The following ASIC2 variants were observed in gnomAD, a reference collection of about 807,000 sequenced individuals.
The protein encoded by ASIC2 is acid sensing ion channel subunit 2, also known as acid-sensing ion channel 2.
In ASIC2, 25 loss-of-function variants were observed where a neutral mutation model predicts 57.3. That is an observed-to-expected ratio of 0.44 (90% CI 0.32 to 0.61). ASIC2 has a LOEUF of 0.61. Ranked by LOEUF, ASIC2 falls within the 20% of genes least tolerant of loss-of-function variation. The pLI is 0.06. For missense variants in ASIC2, 641 were observed against 738.1 expected (o/e 0.87, Z 1.52); for synonymous variants, 319 against 307.5 (o/e 1.04, Z -0.39).
chr17:33,466,129 A>G (rs1244077909), intron 1 of ASIC2, among the ~76,000 whole-genome samples: 1 of 152,254 alleles, frequency 6.6e-6, no homozygotes, highest in Non-Finnish European at 1.5e-5. Flanking sequence ...CTGATAAGCA[A>G]CTTCAGCAAA....
chr17:34,016,080 T>C (rs1906942785), intron 1 of ASIC2, among the ~76,000 whole-genome samples: 1 of 152,236 alleles, frequency 6.6e-6, no homozygotes, highest in Non-Finnish European at 1.5e-5. Context: ...CATCGATATG[T>C]AAGCAAAAGT....
At chr17:33,385,485 G>A (rs530347428) in intron 1 of ASIC2, among the ~76,000 whole-genome samples, 20 of 152,102 alleles carry the variant, frequency 1.3e-4, no homozygotes, top group Admixed American at 6.5e-5. Context: ...TTATTTCAGG[G>A]GTAAGCTGTT....
intron 1 of ASIC2, among the ~76,000 whole-genome samples, chr17:33,892,008 T>C (rs986740758): frequency 3.3e-5 from 5 of 152,208 alleles, no homozygotes; most frequent in Non-Finnish European, 7.4e-5. Flanking sequence ...ATCTGCTTTG[T>C]TTATTTTAAT....
chr17:33,157,879 ACT>A (rs1461611821), intron 1 of ASIC2, among the ~76,000 whole-genome samples: 2 of 151,952 alleles, frequency 1.3e-5, no homozygotes, highest in East Asian at 1.9e-4. Context: ...CAAAAGGTAG[ACT>A]CTCTGAGCTC....
chr17:33,123,797 G>A (rs1302276862), intron 1 of ASIC2, among the ~76,000 whole-genome samples: 1 of 152,180 alleles, frequency 6.6e-6, no homozygotes, highest in African/African-American at 2.4e-5. Flanking sequence ...TCAGACACAT[G>A]TCACTCCTTG....
intron 1 of ASIC2, among the ~76,000 whole-genome samples, chr17:33,940,797 G>C (rs1399843315): frequency 6.6e-6 from 1 of 152,246 alleles, no homozygotes; most frequent in African/African-American, 2.4e-5. Flanking sequence ...TAGTCTTGGG[G>C]TGTCAAGAGA....
At chr17:33,212,316 G>T (rs933706832) in intron 1 of ASIC2, among the ~76,000 whole-genome samples, 1 of 152,170 alleles carries the variant, frequency 6.6e-6, no homozygotes, top group East Asian at 1.9e-4. Flanking sequence ...GAGGCAGAAG[G>T]ACATGTGACC....
chr17:34,038,901 G>T, intron 1 of ASIC2: 2 of 1,612,654 alleles, frequency 1.2e-6, no homozygotes, highest in Non-Finnish European at 1.7e-6. Flanking sequence ...ATCCTTTCCT[G>T]TTGCTTGATA....
At chr17:33,290,913 T>C (rs1348978649) in intron 1 of ASIC2, 1 of 154,692 alleles carries the variant, frequency 6.5e-6, no homozygotes, top group Non-Finnish European at 1.4e-5. Context: ...GTAGGCCTGC[T>C]TAGGGACTCT....
intron 1 of ASIC2, among the ~76,000 whole-genome samples, chr17:33,144,299 G>A (rs536892508): frequency 6.6e-6 from 1 of 152,242 alleles, no homozygotes; most frequent in African/African-American, 2.4e-5. Context: ...GGGCAGAAGA[G>A]GGGGCCCATG....
chr17:33,708,211 A>G (rs778211321), intron 1 of ASIC2, among the ~76,000 whole-genome samples: 7 of 152,182 alleles, frequency 4.6e-5, no homozygotes, highest in African/African-American at 1.2e-4. Context: ...GAAGACATCT[A>G]TTGCCTTAAA....
In ASIC2 at chr17:33,452,738, G is replaced by GGGGTGTGT. The variant is rs1555535324; in HGVS notation, c.556-340672_556-340671insACACACCC. Among the ~76,000 whole-genome samples the GGGGTGTGT allele has an allele frequency of 1.4e-4, 20 of 140,508 alleles. No homozygotes were observed. In the South Asian group the frequency reaches 1.9e-3, roughly 14 times the overall value. The allele number at this position is 140,508 out of a possible 152,430, so 92.2% of individuals were successfully genotyped here. A position where few individuals can be genotyped will look rare whatever the true frequency, so the allele number is the denominator to read the frequency against. The stretch of plus-strand genomic sequence containing the variant: ...GTTTTCTTTGTTTGGAACAGAGTGG[G>GGGGTGTGT]GTGTGTGTGTGTGTGTGTGTGTGTG... On this transcript the variant is annotated intron_variant, in intron 1 of 9. Coordinates refer to the ASIC2 transcript ENST00000359872.
chr17:34,051,970 C>T (rs762709163), intron 1 of ASIC2, among the ~76,000 whole-genome samples: 6 of 152,016 alleles, frequency 3.9e-5, no homozygotes, highest in Non-Finnish European at 8.8e-5. Flanking sequence ...AATGGTTTGG[C>T]TCCTGGTTAT....
At chr17:33,808,919 G>T (rs796178262) in intron 1 of ASIC2, among the ~76,000 whole-genome samples, 6 of 152,294 alleles carry the variant, frequency 3.9e-5, no homozygotes, top group East Asian at 3.9e-4. Flanking sequence ...TGCTCAGATT[G>T]TGAATCAGTA....
intron 1 of ASIC2, among the ~76,000 whole-genome samples, chr17:33,194,032 G>C (rs1038483931): frequency 8.5e-5 from 13 of 152,116 alleles, no homozygotes; most frequent in African/African-American, 2.4e-4. Context: ...CCTTGGCAGG[G>C]GGAGGGCCGT....
chr17:34,081,258 A>T (rs1310751928), intron 1 of ASIC2, among the ~76,000 whole-genome samples: 1 of 152,148 alleles, frequency 6.6e-6, no homozygotes, highest in Non-Finnish European at 1.5e-5. Context: ...GCACACAATA[A>T]AGTTTGAGAA....
At chr17:33,552,619 T>C (rs543153822) in intron 1 of ASIC2, among the ~76,000 whole-genome samples, 33 of 152,320 alleles carry the variant, frequency 2.2e-4, no homozygotes, top group African/African-American at 6.5e-4. Context: ...TGAGTGAGGG[T>C]GAGACAATAT....
intron 1 of ASIC2, among the ~76,000 whole-genome samples, chr17:34,135,054 G>A (rs1285220129): frequency 6.6e-6 from 1 of 152,244 alleles, no homozygotes; most frequent in East Asian, 1.9e-4. Flanking sequence ...CCACAGACAG[G>A]CTTGTCAGAA....
At chr17:34,087,537 G>T (rs969021301) in intron 1 of ASIC2, among the ~76,000 whole-genome samples, 5 of 152,116 alleles carry the variant, frequency 3.3e-5, no homozygotes, top group African/African-American at 1.2e-4. Flanking sequence ...CTCTTCTCGA[G>T]GAGTATCTTT....
Sources: allele counts gnomAD v4.1 joint callset (sites outside exome capture counted in the v4.1 genomes callset), GRCh38; gene constraint gnomAD v4.1.1; transcripts MANE v1.5; gene names NCBI Gene and HGNC (gene_info 2026-07-23, HGNC 2026-07-21).